PUS7: variants seen among roughly 807,000 people sequenced by gnomAD.
The protein encoded by PUS7 is pseudouridylate synthase 7 homolog.
In PUS7, 48 loss-of-function variants were observed where a neutral mutation model predicts 79.8. That is an observed-to-expected ratio of 0.60 (90% CI 0.48 to 0.76). The LOEUF is 0.76. PUS7 is among the 30% of genes least tolerant of loss of function. The pLI is 0.00. For synonymous variants in PUS7, 286 were observed against 272.2 expected (o/e 1.05, Z -0.50); for missense variants, 729 against 797.6 (o/e 0.91, Z 1.04).
chr7:105,474,770 G>A (rs1824020958), intron 9 of PUS7, among the ~76,000 whole-genome samples: 2 of 152,168 alleles, frequency 1.3e-5, no homozygotes, highest in South Asian at 2.1e-4. Context: ...GACAGAGCAA[G>A]ACTGTGTCTC....
At chr7:105,516,989 G>A (rs955125283) in intron 1 of PUS7, among the ~76,000 whole-genome samples, 4 of 151,922 alleles carry the variant, frequency 2.6e-5, no homozygotes. Flanking sequence ...TGCATTTTTT[G>A]ACATATTTAA....
intron 2 of PUS7, among the ~76,000 whole-genome samples, chr7:105,507,244 C>A (rs1825506352): frequency 6.6e-6 from 1 of 152,080 alleles, no homozygotes; most frequent in Admixed American, 6.6e-5. Context: ...CAGGGTTTCG[C>A]CATGTTGCCC....
At chr7:105,517,256 A>C (rs818479) in intron 1 of PUS7, among the ~76,000 whole-genome samples, 16,785 of 151,364 alleles carry the variant, frequency 0.11, 1,219 homozygotes, top group African/African-American at 0.2. Flanking sequence ...TCCTGGGTTC[A>C]AGTGATCCTC....
At chr7:105,467,034 G>GT (rs56177512) in intron 12 of PUS7, among the ~76,000 whole-genome samples, 3,007 of 70,702 alleles carry the variant, frequency 0.043, 195 homozygotes, top group East Asian at 0.068. Context: ...AGTTTTTTCT[G>GT]TTTTTTTTTT....
intron 1 of PUS7, among the ~76,000 whole-genome samples, chr7:105,514,942 C>G (rs1318184504): frequency 2.6e-5 from 4 of 152,000 alleles, no homozygotes; most frequent in African/African-American, 9.7e-5. Context: ...CTACAGGCGC[C>G]CGCCACCACG....
At chr7:105,486,120 A>T (rs1399953063) in intron 7 of PUS7, among the ~76,000 whole-genome samples, 1 of 150,472 alleles carries the variant, frequency 6.6e-6, no homozygotes, top group Non-Finnish European at 1.5e-5. Context: ...AGTGTGATCT[A>T]GGCTTACTGC....
At chr7:105,505,018 T>TTTTTTTTTTTTTTTTTTTTTTTGA (rs1562815532) in intron 4 of PUS7, among the ~76,000 whole-genome samples, 5 of 150,254 alleles carry the variant, frequency 3.3e-5, no homozygotes, top group South Asian at 2.2e-4. Flanking sequence ...TTTTTTTTTT[T>TTTTTTTTTTTTTTTTTTTTTTTGA]GATATGGAGT....
chr7:105,478,784 T>G (rs949255549), intron 9 of PUS7, among the ~76,000 whole-genome samples: 4 of 152,242 alleles, frequency 2.6e-5, no homozygotes, highest in African/African-American at 9.6e-5. Flanking sequence ...GTGCGTTTCC[T>G]TGAAAGCAGG....
intron 7 of PUS7, among the ~76,000 whole-genome samples, chr7:105,489,641 T>C (rs1217726078): frequency 6.6e-6 from 1 of 152,110 alleles, no homozygotes; most frequent in African/African-American, 2.4e-5. Flanking sequence ...TATGACATCA[T>C]GCCACTGTCT....
Position 105,457,759 on chromosome 7 carries a change from T to C in PUS7, c.*31A>G. ...GGGAGCCAGGAAGCAAACACTTGTG[T>C]ACGTTTTCTAATCTGTGGACAAGGT... On this transcript the variant is annotated 3_prime_UTR_variant, in exon 16 of 16. Coordinates refer to ENST00000469408, the MANE Select transcript of PUS7 (RefSeq NM_019042.5). The C allele has an allele frequency of 1.9e-6, 3 of 1,607,326 alleles. No individual in the cohort carries two copies. The highest frequency in any genetic ancestry group is 2.6e-6 in the Non-Finnish European group (3 of 1,176,062).
intron 9 of PUS7, among the ~76,000 whole-genome samples, chr7:105,478,964 CCTT>C (rs1406151149): frequency 6.6e-6 from 1 of 152,056 alleles, no homozygotes; most frequent in African/African-American, 2.4e-5. Context: ...CCATGGCTGT[CCTT>C]CTGCCAAATT....
At chr7:105,498,570 T>C (rs1825126848) in intron 5 of PUS7, among the ~76,000 whole-genome samples, 2 of 152,166 alleles carry the variant, frequency 1.3e-5, no homozygotes, top group Admixed American at 1.3e-4. Flanking sequence ...GACATCTCCA[T>C]GAATAAAGAA....
rs559600282 is a variant in PUS7 at position 105,473,965 on chromosome 7, A to G, written c.1176-1772T>C. 3.9e-5 allele frequency among the ~76,000 whole-genome samples: 6 copies of G among 152,354 alleles called. No individual in the cohort carries two copies. The South Asian group carries it at 1.0e-3, about 26-fold the overall frequency. On this transcript the variant is annotated intron_variant, in intron 9 of 15. Transcript: ENST00000469408. ...AGAGCATATTTTTGTTGGCAAATCT[A>G]TAAGTGTATGTAATTCTTCCTTTAA... is the stretch of plus-strand genomic sequence containing the variant.
intron 8 of PUS7, among the ~76,000 whole-genome samples, chr7:105,481,984 C>A (rs1012529010): frequency 2.6e-5 from 4 of 152,188 alleles, no homozygotes; most frequent in Admixed American, 6.5e-5. Context: ...CCTGCCAAGG[C>A]CTCCCAAAGT....
chr7:105,471,561 T>G (rs1823873540), intron 10 of PUS7, among the ~76,000 whole-genome samples: 1 of 152,222 alleles, frequency 6.6e-6, no homozygotes, highest in Non-Finnish European at 1.5e-5. Context: ...CCTGTAATCC[T>G]AACATTCTGG....
At chr7:105,470,646 A>G in intron 11 of PUS7, 42 bp downstream of exon 11, 2 of 1,503,188 alleles carry the variant, frequency 1.3e-6, no homozygotes, top group Non-Finnish European at 1.8e-6. Flanking sequence ...AAAAGCATTA[A>G]AACGCCTTGA....
At position 105,521,055 on chromosome 7, in the gene PUS7, AAGG is replaced by A. The variant is rs1180647697; in HGVS notation, c.-33+994_-33+996del. Among the ~76,000 whole-genome samples the A allele has an allele frequency of 2.0e-5, 3 of 152,132 alleles. No homozygotes were observed. In the East Asian group the frequency reaches 5.8e-4, roughly 29 times the overall value. ...ATAAAAAAACCAAAAACATGTTCAC[AAGG>A]AGTTGTTAAGTACGTACTGTTGGCT... On this transcript the variant is annotated intron_variant, in intron 1 of 15. Transcript: ENST00000469408.
chr7:105,468,249 A>G (rs1438541392), intron 12 of PUS7, 88 bp downstream of exon 12: 12 of 1,510,524 alleles, frequency 7.9e-6, no homozygotes, highest in Non-Finnish European at 9.8e-6. Context: ...CTCTTTCTTA[A>G]TTAATAGCCA....
At chr7:105,461,266 T>A (rs1823415432) in intron 14 of PUS7, among the ~76,000 whole-genome samples, 1 of 152,210 alleles carries the variant, frequency 6.6e-6, no homozygotes, top group African/African-American at 2.4e-5. Context: ...TGTAAGCAAA[T>A]CTAAGTTTTT....
Sources: gnomAD v4.1 joint callset for allele counts (sites outside exome capture counted in the v4.1 genomes callset) on GRCh38, gnomAD v4.1.1 for gene constraint, MANE v1.5 for transcripts, NCBI Gene and HGNC (gene_info 2026-07-23, HGNC 2026-07-21) for gene names.